The following ADGRV1 variants were observed in gnomAD, a reference collection of about 807,000 sequenced individuals.
The protein encoded by ADGRV1 is adhesion G protein-coupled receptor V1.
Under a neutral mutation model 596.2 loss-of-function variants are expected in ADGRV1, and 359 were observed. That is an observed-to-expected ratio of 0.60 (90% CI 0.55 to 0.66). The LOEUF is 0.66. Among genes scored for constraint, ADGRV1 ranks in the 30% least tolerant of loss-of-function variants. The pLI is 0.00. For synonymous variants in ADGRV1, 2,681 were observed against 2,679.2 expected, an observed-to-expected ratio of 1.00 and a Z score of -0.02; for missense variants, 7,274 against 7,575.6, an observed-to-expected ratio of 0.96 and a Z score of 1.48.
intron 79 of ADGRV1, among the ~76,000 whole-genome samples, chr5:90,852,991 T>G (rs951353079): frequency 6.6e-6 from 1 of 152,204 alleles, no homozygotes; most frequent in African/African-American, 2.4e-5. Flanking sequence ...GCCACAGATT[T>G]CATCTTTATG....
At chr5:90,690,747 C>G in intron 30 of ADGRV1, 50 bp from the exon 31 acceptor site, 1 of 1,549,232 alleles carries the variant, frequency 6.5e-7, no homozygotes, top group South Asian at 1.2e-5. Context: ...TAACTGTTAT[C>G]TCTGTTTCAC....
intron 83 of ADGRV1, among the ~76,000 whole-genome samples, chr5:90,916,329 A>AT (rs1361828783): frequency 4.6e-5 from 7 of 152,164 alleles, no homozygotes; most frequent in Non-Finnish European, 1.0e-4. Flanking sequence ...ATATGAAGAT[A>AT]TTTTTTAATT....
Position 90,627,618 on chromosome 5 carries a change from T to C in ADGRV1, c.1080T>C (p.Ile360=), listed in dbSNP as rs776647711. 5.3e-5 allele frequency: 86 copies of C among 1,613,812 alleles called. No individual in the cohort carries two copies. The highest frequency in any genetic ancestry group is 7.2e-5 in the Non-Finnish European group (85 of 1,179,884). ...TIPEIAESFH[I]MLLKDTLQGD... Reference sequence around the variant, plus strand: ...CGGAGATTGCTGAATCGTTTCACATTATGTTACTAAAAGATACCTTACAGG... The same window carrying C: ...CGGAGATTGCTGAATCGTTTCACATCATGTTACTAAAAGATACCTTACAGG... Residue 360 remains isoleucine (I), a synonymous_variant, in exon 7 of 90, where the codon ATT becomes ATC. Coordinates refer to ENST00000405460, the MANE Select transcript of ADGRV1 (RefSeq NM_032119.4).
At chr5:90,977,385 A>G (rs1004029581) in intron 84 of ADGRV1, among the ~76,000 whole-genome samples, 14 of 152,340 alleles carry the variant, frequency 9.2e-5, no homozygotes, top group African/African-American at 3.4e-4. Flanking sequence ...ACTTGTTGCT[A>G]TAGTCAGTTT....
chr5:90,646,911 C>T (rs944137054), intron 16 of ADGRV1, among the ~76,000 whole-genome samples: 3 of 151,654 alleles, frequency 2.0e-5, no homozygotes, highest in East Asian at 1.9e-4. Flanking sequence ...GTAGCTGGGA[C>T]TACAGGCACA....
intron 83 of ADGRV1, among the ~76,000 whole-genome samples, chr5:90,870,317 A>G (rs1768539826): frequency 6.6e-6 from 1 of 152,130 alleles, no homozygotes; most frequent in Non-Finnish European, 1.5e-5. Context: ...TATCATCCCT[A>G]AAGAGACTAA....
At chr5:90,633,911 A>G (rs961436768) in intron 9 of ADGRV1, among the ~76,000 whole-genome samples, 1 of 152,166 alleles carries the variant, frequency 6.6e-6, no homozygotes, top group African/African-American at 2.4e-5. Flanking sequence ...TACTTTTACT[A>G]TTAAAATGTA....
intron 83 of ADGRV1, among the ~76,000 whole-genome samples, chr5:90,940,731 A>C (rs369110877): frequency 6.4e-4 from 97 of 152,312 alleles, no homozygotes; most frequent in African/African-American, 2.1e-3. Flanking sequence ...GGAGCCAGCC[A>C]GTTTGAACCG....
At chr5:91,022,954 G>A (rs1180987124) in intron 85 of ADGRV1, among the ~76,000 whole-genome samples, 1 of 152,128 alleles carries the variant, frequency 6.6e-6, no homozygotes. Context: ...ATTTAGGTGT[G>A]AAGTCCTAGG....
intron 83 of ADGRV1, among the ~76,000 whole-genome samples, chr5:90,933,797 C>G (rs1160296970): frequency 6.6e-6 from 1 of 152,106 alleles, no homozygotes; most frequent in East Asian, 1.9e-4. Flanking sequence ...GAATCTCAGT[C>G]CACACACAGA....
chr5:90,696,870 G>T, intron 33 of ADGRV1, 67 bp from the exon 34 acceptor site: 1 of 1,085,490 alleles, frequency 9.2e-7, no homozygotes, highest in Non-Finnish European at 1.3e-6. Flanking sequence ...ATTATTTTGG[G>T]CCTTTCTGAG....
At chr5:91,150,668 A>G (rs1795975945) in intron 88 of ADGRV1, among the ~76,000 whole-genome samples, 2 of 152,262 alleles carry the variant, frequency 1.3e-5, no homozygotes, top group South Asian at 4.1e-4. Context: ...CTTCAATCCC[A>G]GCAAACAGAG....
At chr5:90,759,800 A>T (rs1021796555) in intron 58 of ADGRV1, 1 of 490,674 alleles carries the variant, frequency 2.0e-6, no homozygotes, top group Non-Finnish European at 3.7e-6. Flanking sequence ...TCCCGTCTCT[A>T]CTGAAAGTAC....
chr5:90,780,225 G>A (rs925619372), intron 64 of ADGRV1: 3 of 152,184 alleles, frequency 2.0e-5, no homozygotes, highest in Non-Finnish European at 2.9e-5. Context: ...TAATTCTGGG[G>A]AAACAAGTTT....
chr5:90,976,687 T>C (rs933901266), intron 84 of ADGRV1, among the ~76,000 whole-genome samples: 6 of 152,218 alleles, frequency 3.9e-5, no homozygotes, highest in Non-Finnish European at 8.8e-5. Context: ...ATATATGATA[T>C]AGGTAAGCAG....
At position 90,842,192 on chromosome 5, in the gene ADGRV1, T is replaced by C. The variant is rs1008007337; in HGVS notation, c.17019+1207T>C. Among the ~76,000 whole-genome samples, 7 of 152,212 alleles carry C rather than the reference T, an allele frequency of 4.6e-5. No individual in the cohort carries two copies. In the South Asian group the frequency reaches 1.2e-3, roughly 27 times the overall value. On this transcript the variant is annotated intron_variant, in intron 78 of 89. Transcript: ENST00000405460. The stretch of plus-strand genomic sequence containing the variant: ...GTTATGTATGTTAACCAAGTTATTA[T>C]TGGTTAAGAATCAACACTTATTTCA...
chr5:90,647,810 A>G, intron 17 of ADGRV1, 46 bp downstream of exon 17: 1 of 1,541,734 alleles, frequency 6.5e-7, no homozygotes, highest in Non-Finnish European at 8.8e-7. Context: ...TCAGTGCTTT[A>G]ATAAGATGAA....
chr5:90,743,497 A>G lies in ADGRV1; in HGVS notation c.10550-1549A>G, dbSNP rs753126081. On this transcript the variant is annotated intron_variant, in intron 50 of 89. Coordinates refer to ENST00000405460, the MANE Select transcript of ADGRV1 (RefSeq NM_032119.4). ...TTTTTTTTTTTTTTTTTTGAGATGGAGTCTTAATGTGTCGCCCAGGCTAGA... is the reference window on the plus strand; with the variant it reads ...TTTTTTTTTTTTTTTTTTGAGATGGGGTCTTAATGTGTCGCCCAGGCTAGA... Among the ~76,000 whole-genome samples, 339 of 122,508 alleles carry G rather than the reference A, an allele frequency of 2.8e-3. 1 individual carries two copies. The highest frequency in any genetic ancestry group is 6.4e-3 in the Middle Eastern group (1 of 156). The allele number at this position is 122,508 out of a possible 152,430, so 80.4% of individuals were successfully genotyped here.
At position 90,694,711 on chromosome 5, in the gene ADGRV1, G is replaced by A. The variant is rs775717140; in HGVS notation, c.7945+10G>A. ...CTGACCTTTGCTGAAGGTGAGCAATGGTTCTAAATGAATTTCCGTTGCCCC... is the reference window on the plus strand; with the variant it reads ...CTGACCTTTGCTGAAGGTGAGCAATAGTTCTAAATGAATTTCCGTTGCCCC... On this transcript the variant is annotated intron_variant, in intron 33 of 89. Transcript: ENST00000405460. The A allele has an allele frequency of 3.2e-6, 5 of 1,539,594 alleles. No homozygotes were observed. The highest frequency in any genetic ancestry group is 4.4e-6 in the Non-Finnish European group (5 of 1,146,488).
Sources: gnomAD v4.1 joint callset for allele counts (sites outside exome capture counted in the v4.1 genomes callset) on GRCh38, gnomAD v4.1.1 for gene constraint, MANE v1.5 for transcripts, NCBI Gene and HGNC (gene_info 2026-07-23, HGNC 2026-07-21) for gene names.